Variants in TPO observed in about 807,000 individuals in gnomAD.
The protein encoded by TPO is thyroid peroxidase.
Under a neutral mutation model 96.9 loss-of-function variants are expected in TPO, and 78 were observed. The ratio of observed to expected loss-of-function variants is 0.81; its 90% CI spans 0.67 to 0.97. The LOEUF (loss-of-function observed/expected upper bound fraction) is 0.97, where lower values mean the gene tolerates loss of function less well. Ranked by LOEUF, TPO falls within the 50% of genes least tolerant of loss-of-function variation. TPO has a pLI of 0.00. For missense variants in TPO, 1,252 were observed against 1,274.8 expected (o/e 0.98, Z 0.27); for synonymous variants, 547 against 538.0 (o/e 1.02, Z -0.23).
Position 1,534,244 on chromosome 2 carries a change from T to G in TPO, c.2619-6350T>G, listed in dbSNP as rs79022762. ...GTGTGCAACCTCCTCAAATCCCCCA[T>G]CACTCAGAGCAACCTTCTCAAATCC... On this transcript the variant is annotated intron_variant, in intron 15 of 16. Coordinates refer to ENST00000329066, the MANE Select transcript of TPO (RefSeq NM_001206744.2). Among the ~76,000 whole-genome samples the G allele has an allele frequency of 4.2e-3, 166 of 39,652 alleles. 16 individuals carry two copies. Among genetic ancestry groups the G allele is most frequent in the South Asian group, 0.03 (25 of 840 alleles). 26.0% of individuals were successfully genotyped at this position (39,652 alleles called of 152,430 possible).
intron 7 of TPO, among the ~76,000 whole-genome samples, chr2:1,475,891 G>A (rs1669880343): frequency 6.6e-6 from 1 of 152,216 alleles, no homozygotes; most frequent in Non-Finnish European, 1.5e-5. Flanking sequence ...TGCCCAGAGG[G>A]GTTCTGACAG....
chr2:1,534,244 T>C (rs79022762), intron 15 of TPO, among the ~76,000 whole-genome samples: 13,856 of 34,636 alleles, frequency 0.4, 988 homozygotes, highest in Admixed American at 0.43. Flanking sequence ...AAATCCCCCA[T>C]CACTCAGAGC....
At chr2:1,379,804 TAACTC>T (rs1475439167) in intron 1 of TPO, among the ~76,000 whole-genome samples, 3 of 152,194 alleles carry the variant, frequency 2.0e-5, no homozygotes, top group East Asian at 1.9e-4. Context: ...TGGACTTTCT[TAACTC>T]AACCTAAAGA....
At chr2:1,423,511 C>A (rs1664006384) in intron 3 of TPO, among the ~76,000 whole-genome samples, 1 of 152,080 alleles carries the variant, frequency 6.6e-6, no homozygotes, top group African/African-American at 2.4e-5. Flanking sequence ...TTACCTGTGG[C>A]ATAGAATAAA....
At chr2:1,432,237 C>T (rs1195905670) in intron 3 of TPO, among the ~76,000 whole-genome samples, 2 of 152,252 alleles carry the variant, frequency 1.3e-5, no homozygotes, top group Admixed American at 1.3e-4. Context: ...ATGTAGTCCT[C>T]CCTTGGGTCC....
intron 3 of TPO, among the ~76,000 whole-genome samples, chr2:1,426,151 G>A (rs1298605315): frequency 2.1e-5 from 3 of 144,884 alleles, no homozygotes; most frequent in Admixed American, 6.8e-5. Context: ...TGTTCTAGAT[G>A]CCAGGATACA....
rs1664293415 is a variant in TPO at position 1,425,654 on chromosome 2, G to A, written c.179+2525G>A. ...TCATTTCATATCCTCAGAAGTCTAT[G>A]CTCCTTCTGTAAAGTCATTGTTCTA... On this transcript the variant is annotated intron_variant, in intron 3 of 16. Transcript: ENST00000329066. Among the ~76,000 whole-genome samples the A allele has an allele frequency of 3.3e-5, 5 of 151,976 alleles. 1 individual carries two copies. The highest frequency in any genetic ancestry group is 6.6e-5 in the Admixed American group (1 of 15,262).
intron 5 of TPO, among the ~76,000 whole-genome samples, chr2:1,447,326 T>C (rs901924349): frequency 2.0e-5 from 3 of 152,252 alleles, no homozygotes; most frequent in African/African-American, 7.2e-5. Flanking sequence ...ACGATAACTT[T>C]ACTCTTTCAA....
intron 8 of TPO, among the ~76,000 whole-genome samples, chr2:1,478,910 G>A (rs960025452): frequency 1.3e-5 from 2 of 152,136 alleles, no homozygotes; most frequent in African/African-American, 4.8e-5. Context: ...AGCAAACACG[G>A]CAGACGAGTT....
intron 14 of TPO, among the ~76,000 whole-genome samples, 157 bp downstream of exon 14, chr2:1,504,236 G>A (rs1286681557): frequency 1.3e-5 from 2 of 152,230 alleles, no homozygotes; most frequent in South Asian, 2.1e-4. Flanking sequence ...GGGCGTCTGC[G>A]CTGTGCTGGG....
At chr2:1,454,287 T>C (rs1023612709) in intron 6 of TPO, among the ~76,000 whole-genome samples, 1 of 152,200 alleles carries the variant, frequency 6.6e-6, no homozygotes, top group Non-Finnish European at 1.5e-5. Flanking sequence ...ATTTTGCCTG[T>C]AATTTAACTA....
intron 5 of TPO, among the ~76,000 whole-genome samples, chr2:1,443,299 G>A (rs1666380068): frequency 6.6e-6 from 1 of 151,158 alleles, no homozygotes; most frequent in Non-Finnish European, 1.5e-5. Flanking sequence ...GAAGGGAGTG[G>A]GGCAGGCTCC....
chr2:1,422,557 G>A (rs80237443), intron 2 of TPO, among the ~76,000 whole-genome samples: 3,554 of 152,290 alleles, frequency 0.023, 152 homozygotes, highest in African/African-American at 0.082. Context: ...TCCTGTTACC[G>A]CGTCCGGAAC....
intron 15 of TPO, among the ~76,000 whole-genome samples, chr2:1,522,168 C>T (rs1179211855): frequency 6.8e-6 from 1 of 146,436 alleles, no homozygotes; most frequent in Non-Finnish European, 1.5e-5. Flanking sequence ...CACACTGGCC[C>T]TGCTACCATG....
chr2:1,530,130 A>C (rs1166683612), intron 15 of TPO, among the ~76,000 whole-genome samples: 1 of 72,024 alleles, frequency 1.4e-5, no homozygotes, highest in Non-Finnish European at 2.5e-5. Flanking sequence ...CCTATGCGCA[A>C]CCTCGCAAAA....
At chr2:1,535,969 A>C (rs1490644183) in intron 15 of TPO, among the ~76,000 whole-genome samples, 1 of 10,278 alleles carries the variant, frequency 9.7e-5, no homozygotes, top group Admixed American at 1.9e-3. Context: ...AAATCCCCCC[A>C]CTCTGCACAA....
chr2:1,543,122 G>C lies in TPO; in HGVS notation c.*648G>C, dbSNP rs997691592. 6.5e-6 allele frequency: 1 copy of C among 154,966 alleles called. No individual in the cohort carries two copies. The highest frequency in any genetic ancestry group is 2.4e-5 in the African/African-American group (1 of 41,394). 9.6% of individuals were successfully genotyped at this position (154,966 alleles called of 1,614,324 possible). On this transcript the variant is annotated 3_prime_UTR_variant, in exon 17 of 17. Coordinates refer to ENST00000329066, the MANE Select transcript of TPO (RefSeq NM_001206744.2). ...TACTCCTCCTTATACCCTCACTCAC[G>C]GGGAACACAGCCCAGTGATCCCGGA...
chr2:1,427,838 A>G (rs1009865696), intron 3 of TPO, among the ~76,000 whole-genome samples: 2 of 152,156 alleles, frequency 1.3e-5, no homozygotes, highest in African/African-American at 4.8e-5. Flanking sequence ...TGTGAGTTCC[A>G]GGGTGTATTC....
intron 6 of TPO, 82 bp downstream of exon 6, chr2:1,453,905 C>T (rs1452875179): frequency 3.1e-6 from 5 of 1,592,004 alleles, no homozygotes; most frequent in African/African-American, 1.3e-5. Context: ...TTACTGGGTT[C>T]TTGCTCGTGC....
Sources: allele counts gnomAD v4.1 joint callset (sites outside exome capture counted in the v4.1 genomes callset), GRCh38; gene constraint gnomAD v4.1.1; transcripts MANE v1.5; gene names NCBI Gene and HGNC (gene_info 2026-07-23, HGNC 2026-07-21).